The following TRPC4AP variants were observed in gnomAD, a reference collection of about 807,000 sequenced individuals.
TRPC4AP encodes short transient receptor potential channel 4-associated protein.
TRPC4AP carries 45 observed loss-of-function variants against 99.0 expected under a neutral mutation model. The observed-to-expected ratio is 0.45, with a 90% CI of 0.36 to 0.58. The LOEUF (loss-of-function observed/expected upper bound fraction) is 0.58, where lower values mean the gene tolerates loss of function less well. Ranked by LOEUF, TRPC4AP falls within the 20% of genes least tolerant of loss-of-function variation. The pLI is 0.00. For missense variants in TRPC4AP, 879 were observed against 985.3 expected (o/e 0.89, Z 1.44); for synonymous variants, 408 against 385.8 (o/e 1.06, Z -0.67).
At chr20:35,004,624 C>T (rs528153843) in intron 16 of TRPC4AP, 54 bp from the exon 17 acceptor site, 36 of 1,516,710 alleles carry the variant, frequency 2.4e-5, no homozygotes, top group Admixed American at 3.6e-5. Context: ...GTGGCTGGGT[C>T]GCCCAGGCCT....
At chr20:35,024,825 CAAAAAAAAAAAAAAAAA>C (rs778161091) in intron 8 of TRPC4AP, among the ~76,000 whole-genome samples, 2 of 35,882 alleles carry the variant, frequency 5.6e-5, no homozygotes, top group Non-Finnish European at 1.0e-4. Flanking sequence ...GAGACCGTCT[CAAAAAAAAAAAAAAAAA>C]AAAAAAAAAA....
At chr20:35,042,748 G>A (rs1223848174) in intron 7 of TRPC4AP, among the ~76,000 whole-genome samples, 1 of 152,136 alleles carries the variant, frequency 6.6e-6, no homozygotes, top group Non-Finnish European at 1.5e-5. Flanking sequence ...AATCTGTGCA[G>A]GCAACAACAT....
At chr20:35,045,706 T>C (rs917070091) in intron 6 of TRPC4AP, among the ~76,000 whole-genome samples, 1 of 152,080 alleles carries the variant, frequency 6.6e-6, no homozygotes, top group Non-Finnish European at 1.5e-5. Flanking sequence ...GCCTGGCTAA[T>C]TTTTGTATTT....
chr20:35,009,316 T>C (rs2082581802), intron 12 of TRPC4AP, among the ~76,000 whole-genome samples: 1 of 152,126 alleles, frequency 6.6e-6, no homozygotes, highest in African/African-American at 2.4e-5. Context: ...AGGGCAGGAC[T>C]GGGTACAATT....
At chr20:35,013,166 G>T in intron 10 of TRPC4AP, 100 bp from the exon 11 acceptor site, 1 of 1,097,016 alleles carries the variant, frequency 9.1e-7, no homozygotes, top group Non-Finnish European at 1.4e-6. Context: ...CTAAGCCTCT[G>T]TCCTCATGTA....
intron 7 of TRPC4AP, among the ~76,000 whole-genome samples, chr20:35,039,041 C>A (rs1387044694): frequency 6.6e-6 from 1 of 152,176 alleles, no homozygotes; most frequent in Non-Finnish European, 1.5e-5. Context: ...CCACTACACT[C>A]CAGCCTGGGC....
At chr20:35,025,750 T>C (rs1335016894) in intron 8 of TRPC4AP, among the ~76,000 whole-genome samples, 3 of 152,206 alleles carry the variant, frequency 2.0e-5, no homozygotes, top group African/African-American at 7.2e-5. Context: ...TTCCTCATTG[T>C]GTTTTCTGAA....
chr20:35,023,586 A>G (rs1411815777), intron 8 of TRPC4AP, among the ~76,000 whole-genome samples: 1 of 152,170 alleles, frequency 6.6e-6, no homozygotes, highest in Non-Finnish European at 1.5e-5. Flanking sequence ...CTTGGGCAAA[A>G]AACTATAGTT....
At chr20:35,028,714 C>A (rs1353835952) in intron 8 of TRPC4AP, among the ~76,000 whole-genome samples, 2 of 152,100 alleles carry the variant, frequency 1.3e-5, no homozygotes, top group African/African-American at 2.4e-5. Context: ...TTTAAGTCTT[C>A]TGTTTCCCTG....
chr20:35,010,370 T>C, intron 11 of TRPC4AP, 82 bp from the exon 12 acceptor site: 1 of 1,144,224 alleles, frequency 8.7e-7, no homozygotes, highest in South Asian at 1.3e-5. Flanking sequence ...GGGAGTCTCC[T>C]GCCCACTTCC....
chr20:35,038,300 C>T (rs1324230526), intron 7 of TRPC4AP, among the ~76,000 whole-genome samples: 1 of 150,012 alleles, frequency 6.7e-6, no homozygotes, highest in Non-Finnish European at 1.5e-5. Flanking sequence ...AACATATCAG[C>T]TTGGCAAATA....
intron 18 of TRPC4AP, 49 bp downstream of exon 18, chr20:35,003,361 C>A (rs1367651180): frequency 6.2e-7 from 1 of 1,609,336 alleles, no homozygotes; most frequent in Non-Finnish European, 8.5e-7. Context: ...CTCTGAGAGG[C>A]CCTGGGTCCG....
intron 1 of TRPC4AP, among the ~76,000 whole-genome samples, chr20:35,079,614 C>T (rs1050136503): frequency 6.6e-6 from 1 of 151,942 alleles, no homozygotes; most frequent in Non-Finnish European, 1.5e-5. Context: ...AAGATCAATA[C>T]GATTGATAAA....
At chr20:35,003,979 G>A (rs939162389) in intron 17 of TRPC4AP, among the ~76,000 whole-genome samples, 5 of 152,338 alleles carry the variant, frequency 3.3e-5, no homozygotes, top group Middle Eastern at 3.4e-3. Flanking sequence ...ACTAGCCTGC[G>A]CGCCTCGGTG....
intron 1 of TRPC4AP, among the ~76,000 whole-genome samples, chr20:35,091,563 C>T (rs1370274576): frequency 6.6e-6 from 1 of 151,942 alleles, no homozygotes; most frequent in East Asian, 1.9e-4. Flanking sequence ...GAGTATCCTT[C>T]AAACTTTTTA....
At chr20:35,073,173 G>A (rs1274341508) in intron 2 of TRPC4AP, among the ~76,000 whole-genome samples, 2 of 152,162 alleles carry the variant, frequency 1.3e-5, no homozygotes, top group African/African-American at 4.8e-5. Context: ...AGAGGATTTT[G>A]GGCTGAGACA....
intron 3 of TRPC4AP, among the ~76,000 whole-genome samples, chr20:35,059,738 A>C (rs1452341971): frequency 6.6e-6 from 1 of 151,234 alleles, no homozygotes; most frequent in Non-Finnish European, 1.5e-5. Context: ...GAAGAAGACT[A>C]CGACGAAGAA....
chr20:35,018,054 G>A (rs6579211), intron 9 of TRPC4AP, among the ~76,000 whole-genome samples: 12,486 of 152,140 alleles, frequency 0.082, 597 homozygotes, highest in South Asian at 0.13. Context: ...CACTCCAAAG[G>A]GCCCTAAGCC....
intron 7 of TRPC4AP, among the ~76,000 whole-genome samples, chr20:35,042,377 G>A (rs2083462580): frequency 6.6e-6 from 1 of 152,188 alleles, no homozygotes; most frequent in African/African-American, 2.4e-5. Flanking sequence ...ATAACAGAGT[G>A]AATGGCAGGT....
Sources: allele counts gnomAD v4.1 joint callset (sites outside exome capture counted in the v4.1 genomes callset), GRCh38; gene constraint gnomAD v4.1.1; transcripts MANE v1.5; gene names NCBI Gene and HGNC (gene_info 2026-07-23, HGNC 2026-07-21).